Variants in EPG5 observed in about 807,000 individuals in gnomAD.
EPG5 encodes ectopic P granules protein 5 homolog.
A neutral mutation model predicts 302.7 loss-of-function variants in EPG5; 159 were observed. The observed-to-expected ratio is 0.53, with a 90% CI of 0.46 to 0.60. EPG5 has a LOEUF of 0.60. EPG5 is among the 20% of genes least tolerant of loss of function. The probability of loss-of-function intolerance (pLI) is 0.00; values close to 1 mark genes in which losing one functional copy is unlikely to be tolerated. For missense variants in EPG5, 2,896 were observed against 3,092.4 expected (o/e 0.94, Z 1.51); for synonymous variants, 1,158 against 1,136.8 (o/e 1.02, Z -0.37).
chr18:45,908,115 A>C (rs2049802189), intron 23 of EPG5, 34 bp from the exon 24 acceptor site: 3 of 1,456,568 alleles, frequency 2.1e-6, no homozygotes, highest in Non-Finnish European at 2.8e-6. Flanking sequence ...ACGAAACATA[A>C]AAAGATGAGC....
chr18:45,947,050 C>T (rs1162080961), intron 6 of EPG5, among the ~76,000 whole-genome samples: 1 of 152,194 alleles, frequency 6.6e-6, no homozygotes, highest in Non-Finnish European at 1.5e-5. Flanking sequence ...TGCTGCGGAC[C>T]TTAACTCAAA....
the EPG5 span, among the ~76,000 whole-genome samples, chr18:45,810,189 C>A: frequency 6.6e-6 from 1 of 152,108 alleles, no homozygotes; most frequent in South Asian, 2.1e-4. Flanking sequence ...CCTGCACAGA[C>A]CAATATCAAG....
intron 16 of EPG5, among the ~76,000 whole-genome samples, chr18:45,919,536 A>G (rs2050107266): frequency 6.8e-6 from 1 of 146,434 alleles, no homozygotes. Context: ...TTTTTGAGAC[A>G]GAGTCTCGCT....
intron 23 of EPG5, among the ~76,000 whole-genome samples, chr18:45,910,038 T>C (rs1303716483): frequency 6.6e-6 from 1 of 151,590 alleles, no homozygotes; most frequent in Non-Finnish European, 1.5e-5. Context: ...CAGGCTGGAG[T>C]ACAGTGGCAT....
chr18:45,882,217 T>C (rs2049112352), intron 31 of EPG5, 57 bp downstream of exon 31: 3 of 1,367,510 alleles, frequency 2.2e-6, no homozygotes, highest in Non-Finnish European at 2.1e-6. Context: ...AGATGAAAAA[T>C]GTGATATTAA....
intron 29 of EPG5, among the ~76,000 whole-genome samples, chr18:45,886,597 G>A (rs1284900193): frequency 6.6e-6 from 1 of 152,128 alleles, no homozygotes; most frequent in African/African-American, 2.4e-5. Flanking sequence ...AGGTAGTTAG[G>A]ATTATAAGAA....
chr18:45,818,622 G>A, the EPG5 span, among the ~76,000 whole-genome samples: 1 of 151,886 alleles, frequency 6.6e-6, no homozygotes, highest in Non-Finnish European at 1.5e-5. Context: ...CCTGTATTGT[G>A]TGAGTGTGTA....
chr18:45,810,073 G>A, the EPG5 span, among the ~76,000 whole-genome samples: 1 of 152,118 alleles, frequency 6.6e-6, no homozygotes, highest in African/African-American at 2.4e-5. Flanking sequence ...ATCATTCAAG[G>A]ATACTATGAA....
rs201545867 is a variant in EPG5, at chr18:45,916,519, T to G, written c.3303A>C (p.Gln1101His). The change falls in exon 18 of 44, where the codon CAA becomes CAC. Residue 1101 changes from glutamine (Q) to histidine (H), a missense_variant. Transcript: ENST00000282041. ...GCTGTGCCACCTTGTGGGTGACCTG[T>G]TGTGTGACACCCTGAGGGACACCGC... ...LDSGVPQGVTQQVTHKVAQHL... is the reference protein window; with the variant it reads ...LDSGVPQGVTHQVTHKVAQHL... The G allele has an allele frequency of 1.3e-4, 202 of 1,613,514 alleles. No homozygotes were observed. The highest frequency in any genetic ancestry group is 1.6e-4 in the Non-Finnish European group (188 of 1,179,602).
At chr18:45,838,826 C>T in the EPG5 span, 3 of 1,562,906 alleles carry the variant, frequency 1.9e-6, no homozygotes, top group African/African-American at 1.4e-5. Context: ...TGGTCCGGCC[C>T]GGCCCTGGGC....
chr18:45,806,789 A>T, the EPG5 span, among the ~76,000 whole-genome samples: 2 of 152,240 alleles, frequency 1.3e-5, no homozygotes, highest in Non-Finnish European at 2.9e-5. Context: ...AGCCAGAGGC[A>T]CTGGGAAAAG....
chr18:45,834,156 G>A, the EPG5 span, among the ~76,000 whole-genome samples: 2 of 152,014 alleles, frequency 1.3e-5, no homozygotes, highest in African/African-American at 2.4e-5. Flanking sequence ...AAGTGACATC[G>A]CCTCTCTCAA....
rs148736896 is a variant in EPG5 at position 45,860,462 on chromosome 18, G to A, written c.6767-116C>T. The A allele has an allele frequency of 4.0e-4, 518 of 1,298,352 alleles. No homozygotes were observed. In the East Asian group the frequency reaches 0.011, roughly 27 times the overall value. 80.4% of individuals were successfully genotyped at this position (1,298,352 alleles called of 1,614,324 possible). A position where few individuals can be genotyped will look rare whatever the true frequency, so the allele number is the denominator to read the frequency against. On this transcript the variant is annotated intron_variant, in intron 39 of 43. Coordinates refer to ENST00000282041, the MANE Select transcript of EPG5 (RefSeq NM_020964.3). ...TCTCCAGGCAGATTTTACAGTGCTA[G>A]TAGCTGACTGCAAGGGACTGGAAGG...
chr18:45,871,898 T>C (rs751099868), intron 35 of EPG5, among the ~76,000 whole-genome samples: 93 of 152,038 alleles, frequency 6.1e-4, no homozygotes, highest in South Asian at 1.2e-3. Flanking sequence ...TCCACAACAA[T>C]GCATTACGTA....
intron 39 of EPG5, among the ~76,000 whole-genome samples, 166 bp downstream of exon 39, chr18:45,865,449 A>G (rs1181080797): frequency 2.6e-5 from 4 of 152,162 alleles, no homozygotes; most frequent in Non-Finnish European, 5.9e-5. Context: ...GCCAGTGTCA[A>G]TCCTTCCCCA....
intron 18 of EPG5, 85 bp from the exon 19 acceptor site, chr18:45,916,291 C>T: frequency 6.6e-7 from 1 of 1,522,092 alleles, no homozygotes; most frequent in South Asian, 1.3e-5. Context: ...TCTACCTCCA[C>T]TACAAATCCC....
chr18:45,923,402 A>G lies in EPG5; in HGVS notation c.2719-15T>C. On this transcript the variant is annotated splice_polypyrimidine_tract_variant and intron_variant, in intron 14 of 43. Coordinates refer to ENST00000282041, the MANE Select transcript of EPG5 (RefSeq NM_020964.3). ...TGAAGGGTAGCCTTTTAAAGAGAAA[A>G]ATAATCACAAACATACAACCTTGGT... The G allele has an allele frequency of 1.2e-6, 2 of 1,606,904 alleles. No homozygotes were observed. The highest frequency in any genetic ancestry group is 1.7e-6 in the Non-Finnish European group (2 of 1,178,006).
At chr18:45,810,723 G>C in the EPG5 span, among the ~76,000 whole-genome samples, 2 of 152,202 alleles carry the variant, frequency 1.3e-5, no homozygotes, top group Non-Finnish European at 2.9e-5. Context: ...GGAGGTTGCA[G>C]TGAGCCGAAA....
downstream of EPG5, among the ~76,000 whole-genome samples, chr18:45,845,981 G>T (rs1353807890): frequency 6.6e-6 from 1 of 152,216 alleles, no homozygotes; most frequent in African/African-American, 2.4e-5. Flanking sequence ...GAAATGAGTT[G>T]GCTGGAGACA....
Sources: allele counts gnomAD v4.1 joint callset (sites outside exome capture counted in the v4.1 genomes callset), GRCh38; gene constraint gnomAD v4.1.1; transcripts MANE v1.5; gene names NCBI Gene and HGNC (gene_info 2026-07-23, HGNC 2026-07-21).